PSMA7: variants seen among roughly 807,000 people sequenced by gnomAD.
PSMA7 encodes the protein proteasome 20S subunit alpha 7.
In PSMA7, 5 loss-of-function variants were observed where a neutral mutation model predicts 31.3. The ratio of observed to expected loss-of-function variants is 0.16; its 90% confidence interval spans 0.08 to 0.34. The LOEUF (loss-of-function observed/expected upper bound fraction) is 0.34. PSMA7 is among the 10% of genes least tolerant of loss of function. The pLI is 1.00. For synonymous variants in PSMA7, 155 were observed against 121.9 expected (o/e 1.27, Z -1.79); for missense variants, 217 against 327.5 (o/e 0.66, Z 2.60).
chr20:62,137,680 C>T (rs2056903633), intron 5 of PSMA7, among the ~76,000 whole-genome samples: 1 of 152,228 alleles, frequency 6.6e-6, no homozygotes, highest in South Asian at 2.1e-4. Context: ...TCCAGGCCCT[C>T]CTCTTGACAC....
intron 1 of PSMA7, among the ~76,000 whole-genome samples, chr20:62,141,453 G>T (rs974256024): frequency 1.3e-5 from 2 of 152,330 alleles, no homozygotes; most frequent in African/African-American, 2.4e-5. Context: ...AAACCCAGGG[G>T]TATTCATCTA....
intron 4 of PSMA7, among the ~76,000 whole-genome samples, chr20:62,138,737 T>TG (rs2145663574): frequency 6.6e-6 from 1 of 152,130 alleles, no homozygotes; most frequent in African/African-American, 2.4e-5. Flanking sequence ...TTTGTATTTT[T>TG]AGTGGAGACA....
chr20:62,141,026 T>C, intron 1 of PSMA7, 82 bp from the exon 2 acceptor site: 3 of 1,546,620 alleles, frequency 1.9e-6, no homozygotes, highest in Non-Finnish European at 8.8e-7. Flanking sequence ...TTCCAGCACT[T>C]TGGGAGGCTG....
In PSMA7 at chr20:62,138,151, G is replaced by A; in HGVS notation, c.591+20C>T. On this transcript the variant is annotated intron_variant, in intron 5 of 6. Transcript: ENST00000370873. The stretch of plus-strand genomic sequence containing the variant: ...CGTGGTATCTTCACCACCTTGCCTG[G>A]ATTCCAAATGCAAACTTACTTCCAG... The A allele has an allele frequency of 6.2e-7, 1 of 1,614,060 alleles. No homozygotes were observed. The highest frequency in any genetic ancestry group is 1.7e-5 in the Admixed American group (1 of 60,024).
At chr20:62,140,968 C>CGTG in intron 1 of PSMA7, 24 bp from the exon 2 acceptor site, 2 of 1,613,354 alleles carry the variant, frequency 1.2e-6, no homozygotes, top group South Asian at 2.2e-5. Flanking sequence ...CCACAAACCA[C>CGTG]GTAAGAAAGT....
Position 62,136,757 on chromosome 20 carries a change from G to A in PSMA7, c.*100C>T. The A allele has an allele frequency of 6.9e-7, 1 of 1,456,260 alleles. No individual in the cohort carries two copies. 90.2% of individuals were successfully genotyped at this position (1,456,260 alleles called of 1,614,324 possible). On this transcript the variant is annotated 3_prime_UTR_variant, in exon 7 of 7. Coordinates refer to ENST00000370873, the MANE Select transcript of PSMA7 (RefSeq NM_002792.4). ...GTTAAAAATACGGAAGTTTATTGTA[G>A]GACACTCAGTGTGAATAAATGGAAT... is the stretch of plus-strand genomic sequence containing the variant.
chr20:62,139,058 C>T lies in PSMA7; in HGVS notation c.471+17G>A, dbSNP rs1302010613. ...TTTCTGGCAAGACTGTCCAAAGCCC[C>T]TTTGTCACGAACTCACCTTCCAGGC... On this transcript the variant is annotated intron_variant, in intron 4 of 6. Coordinates refer to ENST00000370873, the MANE Select transcript of PSMA7 (RefSeq NM_002792.4). 1 of 1,612,650 alleles carries T rather than the reference C, an allele frequency of 6.2e-7. No individual in the cohort carries two copies. The highest frequency in any genetic ancestry group is 1.3e-5 in the African/African-American group (1 of 74,894).
At chr20:62,138,549 GA>G (rs1461413004) in intron 4 of PSMA7, among the ~76,000 whole-genome samples, 3 of 136,876 alleles carry the variant, frequency 2.2e-5, no homozygotes, top group South Asian at 4.5e-4. Flanking sequence ...GGCAATGGGA[GA>G]TTTTTTTTTT....
intron 1 of PSMA7, among the ~76,000 whole-genome samples, chr20:62,141,285 T>TA (rs1600968838): frequency 2.6e-5 from 4 of 152,182 alleles, no homozygotes; most frequent in Admixed American, 2.6e-4. Context: ...AAAAAAGTGA[T>TA]ACATGGTTCT....
rs1273815117 is a variant in PSMA7 at position 62,140,882 on chromosome 20, C to A, written c.159G>T (p.Leu53=). Residue 53 remains leucine (L), a synonymous_variant, in exon 2 of 7, where the codon CTG becomes CTT. Transcript: ENST00000370873. ...LGVEKKSVAK[L]QDERTVRKIC... ...TCTTCCGCACTGTTCTTTCATCCTG[C>A]AGTTTGGCCACTGACTTCTTCTCCA... 1.2e-6 allele frequency: 2 copies of A among 1,614,114 alleles called. No individual in the cohort carries two copies. The highest frequency in any genetic ancestry group is 2.2e-5 in the East Asian group (1 of 44,900).
At chr20:62,141,011 GT>G (rs2056924393) in intron 1 of PSMA7, 67 bp from the exon 2 acceptor site, 1 of 1,582,664 alleles carries the variant, frequency 6.3e-7, no homozygotes. Flanking sequence ...GCTCATGCCT[GT>G]TAATTCCAGC....
chr20:62,139,037 T>C (rs751004138), intron 4 of PSMA7, 38 bp downstream of exon 4: 1 of 1,603,670 alleles, frequency 6.2e-7, no homozygotes, highest in Non-Finnish European at 8.5e-7. Flanking sequence ...AGCCTTTTTC[T>C]GGCAAGACTG....
At chr20:62,138,535 A>G (rs2056908452) in intron 4 of PSMA7, among the ~76,000 whole-genome samples, 1 of 150,704 alleles carries the variant, frequency 6.6e-6, no homozygotes, top group Non-Finnish European at 1.5e-5. Flanking sequence ...CTGCGCTATC[A>G]AGAGGCAATG....
chr20:62,139,758 C>A, intron 3 of PSMA7, 23 bp downstream of exon 3: 7 of 1,613,872 alleles, frequency 4.3e-6, no homozygotes, highest in Non-Finnish European at 5.1e-6. Context: ...CAGAGGTGAG[C>A]ATGCAAGCGG....
intron 5 of PSMA7, 84 bp from the exon 6 acceptor site, chr20:62,137,510 T>G: frequency 7.5e-7 from 1 of 1,326,412 alleles, no homozygotes; most frequent in Non-Finnish European, 1.1e-6. Flanking sequence ...TAAATAGGTG[T>G]GTACCCAAAC....
At chr20:62,141,043 G>T in intron 1 of PSMA7, 99 bp from the exon 2 acceptor site, 1 of 1,438,876 alleles carries the variant, frequency 6.9e-7, no homozygotes, top group Non-Finnish European at 9.6e-7. Flanking sequence ...GCTGAGGTGG[G>T]TGGATGACTT....
At chr20:62,141,866 C>G (rs1273384257) in intron 1 of PSMA7, among the ~76,000 whole-genome samples, 3 of 152,212 alleles carry the variant, frequency 2.0e-5, no homozygotes, top group Non-Finnish European at 4.4e-5. Context: ...ACAGTCAACC[C>G]GAGTCAAGCC....
intron 3 of PSMA7, 132 bp downstream of exon 3, chr20:62,139,649 G>A: frequency 6.8e-7 from 1 of 1,463,834 alleles, no homozygotes; most frequent in Non-Finnish European, 9.5e-7. Flanking sequence ...ACTTGTGCAA[G>A]TCAAGATTAG....
chr20:62,142,522 T>C (rs560932290), intron 1 of PSMA7: 13 of 152,368 alleles, frequency 8.5e-5, no homozygotes, highest in South Asian at 2.1e-4. Context: ...TTTCAAACAA[T>C]GTCACTAAGG....
Sources: allele counts gnomAD v4.1 joint callset (sites outside exome capture counted in the v4.1 genomes callset), GRCh38; gene constraint gnomAD v4.1.1; transcripts MANE v1.5; gene names NCBI Gene and HGNC (gene_info 2026-07-23, HGNC 2026-07-21).